The following MCM6 variants were observed in gnomAD, a reference collection of about 807,000 sequenced individuals.
The protein encoded by MCM6 is minichromosome maintenance complex component 6, also known as DNA replication licensing factor MCM6.
Under a neutral mutation model 94.3 loss-of-function variants are expected in MCM6, and 46 were observed. The ratio of observed to expected loss-of-function variants is 0.49; its 90% confidence interval spans 0.39 to 0.62. MCM6 has a LOEUF of 0.62. Among genes scored for constraint, MCM6 ranks in the 20% least tolerant of loss-of-function variants. MCM6 has a pLI of 0.00. For synonymous variants in MCM6, 335 were observed against 351.9 expected (o/e 0.95, Z 0.54); for missense variants, 865 against 1,017.9 (o/e 0.85, Z 2.04).
At position 135,853,112 on chromosome 2, in the gene MCM6, C is replaced by T. The variant is rs11884882; in HGVS notation, c.1627-197G>A. Among the ~76,000 whole-genome samples, 753 of 152,192 alleles carry T rather than the reference C, an allele frequency of 4.9e-3. 5 individuals carry two copies. The highest frequency in any genetic ancestry group is 0.017 in the African/African-American group (704 of 41,510). The stretch of plus-strand genomic sequence containing the variant: ...CAAACGTTTAAATGTATACCATTGC[C>T]CCACTCTAAAACTATACCTGAAGGA... On this transcript the variant is annotated intron_variant, in intron 11 of 16. Coordinates refer to ENST00000264156, the MANE Select transcript of MCM6 (RefSeq NM_005915.6).
chr2:135,875,969 C>A (rs192775807), intron 1 of MCM6, among the ~76,000 whole-genome samples: 332 of 152,344 alleles, frequency 2.2e-3, no homozygotes, highest in African/African-American at 7.7e-3. Context: ...GAGGGCTGTG[C>A]AAATACCAGG....
intron 12 of MCM6, among the ~76,000 whole-genome samples, chr2:135,852,263 G>T (rs1679791821): frequency 6.6e-6 from 1 of 152,128 alleles, no homozygotes; most frequent in Non-Finnish European, 1.5e-5. Flanking sequence ...CAACCAGAAT[G>T]AGTATTTTTT....
intron 3 of MCM6, among the ~76,000 whole-genome samples, chr2:135,869,133 T>C (rs535680797): frequency 1.3e-5 from 2 of 152,310 alleles, no homozygotes; most frequent in South Asian, 4.1e-4. Flanking sequence ...CTGGGCGCAG[T>C]GACTCACACC....
chr2:135,840,723 TG>T lies in MCM6; in HGVS notation c.*111del. 1 of 706,190 alleles carries T rather than the reference TG, an allele frequency of 1.4e-6. No individual in the cohort carries two copies. Among genetic ancestry groups the T allele is most frequent in the Non-Finnish European group, 2.5e-6 (1 of 402,724 alleles). 43.7% of individuals were successfully genotyped at this position (706,190 alleles called of 1,614,324 possible). A position where few individuals can be genotyped will look rare whatever the true frequency, so the allele number is the denominator to read the frequency against. ...AATTCTTGTTTCTGAAAACAAATCC[TG>T]GAAGCATCACTTCCAGAAACACTTC... is the stretch of plus-strand genomic sequence containing the variant. On this transcript the variant is annotated 3_prime_UTR_variant, in exon 17 of 17. Transcript: ENST00000264156.
At chr2:135,850,982 C>T (rs1383225476) in intron 13 of MCM6, among the ~76,000 whole-genome samples, 1 of 152,192 alleles carries the variant, frequency 6.6e-6, no homozygotes, top group Non-Finnish European at 1.5e-5. Context: ...TACCCACTGA[C>T]CTATCCTCGT....
At chr2:135,849,954 T>C (rs1679743407) in intron 13 of MCM6, among the ~76,000 whole-genome samples, 1 of 152,230 alleles carries the variant, frequency 6.6e-6, no homozygotes, top group South Asian at 2.1e-4. Flanking sequence ...TATATTTGTG[T>C]ATATAATTTA....
At chr2:135,863,788 C>T (rs1680037264) in intron 7 of MCM6, among the ~76,000 whole-genome samples, 1 of 148,772 alleles carries the variant, frequency 6.7e-6, no homozygotes. Flanking sequence ...ATCCCTTCCA[C>T]AAACAAAACT....
At position 135,851,502 on chromosome 2, in the gene MCM6, C is replaced by A. The variant is rs768139759; in HGVS notation, c.1817G>T (p.Gly606Val). 2.1e-5 allele frequency: 34 copies of A among 1,613,464 alleles called. No individual in the cohort carries two copies. In the Middle Eastern group the frequency reaches 8.2e-4, roughly 39 times the overall value. Residue 606 changes from glycine (G) to valine (V), a missense_variant, in exon 13 of 17, where the codon GGT becomes GTT. Gly to Val is a moderately radical substitution (Grantham distance 109). Around this residue, in one of 3 missense-constraint regions of MCM6, gnomAD observed 308 missense variants for 324.5 expected, o/e 0.95. Coordinates refer to ENST00000264156, the MANE Select transcript of MCM6 (RefSeq NM_005915.6). ...CCATGAAGACTTGGTCACTCCAGAA[C>A]CATCTCTCTGGCGGAGATGTTTATA... Reference protein sequence around the residue: ...EQYKHLRQRDGSGVTKSSWRI... With the variant: ...EQYKHLRQRDVSGVTKSSWRI...
At position 135,868,731 on chromosome 2, in the gene MCM6, G is replaced by T. The variant is rs746653861; in HGVS notation, c.495C>A (p.Ile165=). ...ATTTGAACTGCTGTTCTACATCCCT[G>T]ATCACTGTCTGACAGTCCAAGCACA... ...TFLCLDCQTV[I]RDVEQQFKYT... The change falls in exon 4 of 17, where the codon ATC becomes ATA. Residue 165 remains isoleucine (I), a synonymous_variant. Transcript: ENST00000264156. 1.2e-6 allele frequency: 2 copies of T among 1,614,142 alleles called. No homozygotes were observed. Among genetic ancestry groups the T allele is most frequent in the East Asian group, 2.2e-5 (1 of 44,886 alleles).
intron 3 of MCM6, among the ~76,000 whole-genome samples, chr2:135,869,900 C>T (rs540637932): frequency 6.6e-6 from 1 of 152,312 alleles, no homozygotes; most frequent in African/African-American, 2.4e-5. Flanking sequence ...GGTATAACTC[C>T]TACAAAAGTC....
chr2:135,864,855 A>G (rs1680061780), intron 7 of MCM6, among the ~76,000 whole-genome samples, 158 bp downstream of exon 7: 1 of 152,186 alleles, frequency 6.6e-6, no homozygotes, highest in Non-Finnish European at 1.5e-5. Flanking sequence ...GGTACCTCGT[A>G]TAAGTGAAAT....
At chr2:135,873,818 T>C (rs925522149) in intron 1 of MCM6, among the ~76,000 whole-genome samples, 1 of 148,646 alleles carries the variant, frequency 6.7e-6, no homozygotes, top group Non-Finnish European at 1.5e-5. Flanking sequence ...GCTAGGGGAA[T>C]AGAAACTAAT....
chr2:135,865,180 A>G lies in MCM6; in HGVS notation c.928-17T>C. On this transcript the variant is annotated splice_polypyrimidine_tract_variant and intron_variant, in intron 6 of 16. Transcript: ENST00000264156. ...CCCCCCAAACTAATGGTAGAGAACA[A>G]AGGAAGAATCATTAGTATAGAAGCA... is the stretch of plus-strand genomic sequence containing the variant. 1 of 1,458,650 alleles carries G rather than the reference A, an allele frequency of 6.9e-7. No individual in the cohort carries two copies. The highest frequency in any genetic ancestry group is 9.1e-7 in the Non-Finnish European group (1 of 1,102,958). The allele number at this position is 1,458,650 out of a possible 1,614,324, so 90.4% of individuals were successfully genotyped here. A position where few individuals can be genotyped will look rare whatever the true frequency, so the allele number is the denominator to read the frequency against.
intron 8 of MCM6, among the ~76,000 whole-genome samples, chr2:135,860,023 C>T (rs1275915173): frequency 2.0e-5 from 3 of 152,024 alleles, no homozygotes; most frequent in Admixed American, 6.5e-5. Flanking sequence ...AGGCTGGTCT[C>T]GAACTCCTGA....
At chr2:135,866,520 A>G in intron 5 of MCM6, 43 bp downstream of exon 5, 1 of 1,576,502 alleles carries the variant, frequency 6.3e-7, no homozygotes, top group South Asian at 1.2e-5. Context: ...TGTGCAGTTT[A>G]GGTAACTGAG....
Position 135,844,577 on chromosome 2 carries a change from T to C in MCM6, c.2317A>G (p.Ile773Val), listed in dbSNP as rs576403217. Reference sequence around the variant, plus strand: ...GTGAGTCGATGAATAACTTTCTCTATGATTCTTTTTTTATTTATAAGTTCT... The same window carrying C: ...GTGAGTCGATGAATAACTTTCTCTACGATTCTTTTTTTATTTATAAGTTCT... ...EEELINKKRI[I>V]EKVIHRLTHY... The change falls in exon 16 of 17, where the codon ATA (isoleucine) becomes GTA (valine). Residue 773 changes from isoleucine (I) to valine (V), a missense_variant. Around this residue, in one of 3 missense-constraint regions of MCM6, gnomAD observed 308 missense variants for 324.5 expected, o/e 0.95. Transcript: ENST00000264156. The C allele has an allele frequency of 7.6e-6, 12 of 1,578,582 alleles. No homozygotes were observed. In the East Asian group the frequency reaches 1.9e-4, roughly 25 times the overall value.
At chr2:135,849,976 T>C (rs981920276) in intron 13 of MCM6, among the ~76,000 whole-genome samples, 1 of 152,198 alleles carries the variant, frequency 6.6e-6, no homozygotes, top group Non-Finnish European at 1.5e-5. Flanking sequence ...GTGCATATAT[T>C]TTAATATCAT....
intron 16 of MCM6, 49 bp from the exon 17 acceptor site, chr2:135,841,000 A>G: frequency 7.8e-7 from 1 of 1,287,076 alleles, no homozygotes; most frequent in Non-Finnish European, 1.1e-6. Flanking sequence ...TATTATACCA[A>G]TGTCCAGATA....
intron 7 of MCM6, among the ~76,000 whole-genome samples, chr2:135,863,801 TC>T (rs1680037544): frequency 1.3e-5 from 2 of 150,426 alleles, no homozygotes; most frequent in Non-Finnish European, 2.9e-5. Context: ...ACAAAACTTC[TC>T]TGACTTATAT....
Sources: allele counts gnomAD v4.1 joint callset (sites outside exome capture counted in the v4.1 genomes callset), GRCh38; gene constraint gnomAD v4.1.1; regional missense constraint gnomAD v4.1.1; transcripts MANE v1.5; gene names NCBI Gene and HGNC (gene_info 2026-07-23, HGNC 2026-07-21).